Variants in KIAA0232 observed in about 807,000 individuals in gnomAD.
KIAA0232 encodes KIAA0232.
KIAA0232 carries 27 observed loss-of-function variants against 122.0 expected under a neutral mutation model. The ratio of observed to expected loss-of-function variants is 0.22; its 90% CI spans 0.16 to 0.31. KIAA0232 has a LOEUF of 0.31. Among genes scored for constraint, KIAA0232 ranks in the 10% least tolerant of loss-of-function variants. KIAA0232 has a pLI of 1.00. For synonymous variants in KIAA0232, 613 were observed against 587.6 expected, an observed-to-expected ratio of 1.04 and a Z score of -0.63; for missense variants, 1,551 against 1,634.2, an observed-to-expected ratio of 0.95 and a Z score of 0.88.
At chr4:6,837,528 C>T in intron 3 of KIAA0232, among the ~76,000 whole-genome samples, 1 of 152,210 alleles carries the variant, frequency 6.6e-6, no homozygotes, top group East Asian at 1.9e-4. Context: ...CAGGCAGAGG[C>T]TGCAGTCTCG....
chr4:6,796,751 A>G (rs1038837276), intron 1 of KIAA0232, among the ~76,000 whole-genome samples: 6 of 152,232 alleles, frequency 3.9e-5, no homozygotes, highest in African/African-American at 7.2e-5. Flanking sequence ...TAAAACTACC[A>G]TAAGAATATC....
chr4:6,839,164 A>G (rs1042466286), intron 3 of KIAA0232, among the ~76,000 whole-genome samples: 1 of 152,210 alleles, frequency 6.6e-6, no homozygotes, highest in Non-Finnish European at 1.5e-5. Flanking sequence ...CTTCCTTTCA[A>G]GCTTCTAGGA....
At position 6,883,087 on chromosome 4, in the gene KIAA0232, A is replaced by G. The variant is rs1200249404; in HGVS notation, c.*2121A>G. ...ATTTGTTTTCATAGTTAAGTAGCTG[A>G]AGCTCAGAGGCTTTCAGCAACAGAG... On this transcript the variant is annotated 3_prime_UTR_variant, in exon 10 of 10. Coordinates refer to ENST00000307659, the MANE Select transcript of KIAA0232 (RefSeq NM_014743.3). 1 of 152,668 alleles carries G rather than the reference A, an allele frequency of 6.6e-6. No individual in the cohort carries two copies. The highest frequency in any genetic ancestry group is 2.4e-5 in the African/African-American group (1 of 41,478). The allele number at this position is 152,668 out of a possible 1,614,324, so 9.5% of individuals were successfully genotyped here.
chr4:6,814,379 GT>G (rs894516711), intron 2 of KIAA0232, among the ~76,000 whole-genome samples: 57 of 139,882 alleles, frequency 4.1e-4, no homozygotes, highest in Non-Finnish European at 3.9e-4. Flanking sequence ...ATAGTTGGTT[GT>G]TTTTTTTTTT....
chr4:6,785,509 G>T (rs960636983), intron 1 of KIAA0232, among the ~76,000 whole-genome samples: 4 of 152,168 alleles, frequency 2.6e-5, no homozygotes, highest in African/African-American at 9.7e-5. Context: ...ATCACTTGAG[G>T]GAAGACGTGA....
intron 2 of KIAA0232, among the ~76,000 whole-genome samples, chr4:6,811,157 C>G (rs537996951): frequency 6.6e-6 from 1 of 152,034 alleles, no homozygotes; most frequent in Admixed American, 6.5e-5. Flanking sequence ...TACCTGTGCT[C>G]GTATGTTTAT....
chr4:6,829,256 A>G (rs983447377), intron 3 of KIAA0232, among the ~76,000 whole-genome samples: 3 of 152,134 alleles, frequency 2.0e-5, no homozygotes, highest in African/African-American at 7.2e-5. Flanking sequence ...GCCAGTGACG[A>G]CAGTCTTTAT....
At position 6,870,567 on chromosome 4, in the gene KIAA0232, C is replaced by T. The variant is rs191812966; in HGVS notation, c.3802-1007C>T. Among the ~76,000 whole-genome samples the T allele has an allele frequency of 2.4e-3, 359 of 152,304 alleles. 1 individual carries two copies. Among genetic ancestry groups the T allele is most frequent in the African/African-American group, 8.5e-3 (354 of 41,558 alleles). ...CCTGTAATCCCAGCACTTTGGGAGG[C>T]CAAGGCGGGCAGATCACCTGAGGTC... On this transcript the variant is annotated intron_variant, in intron 7 of 9. Coordinates refer to ENST00000307659, the MANE Select transcript of KIAA0232 (RefSeq NM_014743.3).
At chr4:6,849,555 C>A (rs1419622289) in intron 4 of KIAA0232, among the ~76,000 whole-genome samples, 1 of 152,112 alleles carries the variant, frequency 6.6e-6, no homozygotes, top group African/African-American at 2.4e-5. Flanking sequence ...GGCAGAGGTT[C>A]CCGTGAGCTG....
chr4:6,880,483 C>T (rs954658980), intron 9 of KIAA0232, among the ~76,000 whole-genome samples: 1 of 152,012 alleles, frequency 6.6e-6, no homozygotes, highest in African/African-American at 2.4e-5. Flanking sequence ...GTCCCTGTGC[C>T]CAGTAAAGTT....
In KIAA0232 at chr4:6,881,104, C is replaced by G; in HGVS notation, c.*138C>G. 1.6e-6 allele frequency: 1 copy of G among 630,384 alleles called. No individual in the cohort carries two copies. 39.0% of individuals were successfully genotyped at this position (630,384 alleles called of 1,614,324 possible). A position where few individuals can be genotyped will look rare whatever the true frequency, so the allele number is the denominator to read the frequency against. On this transcript the variant is annotated 3_prime_UTR_variant, in exon 10 of 10. Coordinates refer to ENST00000307659, the MANE Select transcript of KIAA0232 (RefSeq NM_014743.3). ...ATTCAGATTGGTAATAATTATCTTTCTCTTCTTGCTTATTTTAGAGTTGAG... is the reference window on the plus strand; with the variant it reads ...ATTCAGATTGGTAATAATTATCTTTGTCTTCTTGCTTATTTTAGAGTTGAG...
intron 3 of KIAA0232, among the ~76,000 whole-genome samples, chr4:6,836,715 C>T (rs1003012872): frequency 4.6e-5 from 7 of 151,806 alleles, no homozygotes; most frequent in Non-Finnish European, 8.8e-5. Flanking sequence ...GTGTTTGTGT[C>T]CCTGAGTACG....
At chr4:6,879,728 G>A (rs540243804) in intron 9 of KIAA0232, among the ~76,000 whole-genome samples, 111 of 152,130 alleles carry the variant, frequency 7.3e-4, no homozygotes, top group African/African-American at 2.6e-3. Context: ...GAGACAGTCC[G>A]ACACCACAGA....
intron 7 of KIAA0232, among the ~76,000 whole-genome samples, chr4:6,868,523 C>G (rs1236829660): frequency 1.3e-5 from 2 of 152,170 alleles, no homozygotes; most frequent in African/African-American, 4.8e-5. Context: ...AGCAGGCTTC[C>G]TCGCCAAGGT....
rs1560200485 is a variant in KIAA0232, at chr4:6,861,605, C to G, written c.1223C>G (p.Ala408Gly). The G allele has an allele frequency of 1.2e-6, 2 of 1,613,906 alleles. No individual in the cohort carries two copies. The highest frequency in any genetic ancestry group is 1.7e-6 in the Non-Finnish European group (2 of 1,180,028). Residue 408 changes from alanine to glycine, a missense_variant, in exon 7 of 10, where the codon GCT (alanine) becomes GGT (glycine). Physicochemically the swap from Ala to Gly is moderately conservative, Grantham distance 60 (BLOSUM62 0). Around this residue, in one of 5 missense-constraint regions of KIAA0232, gnomAD observed 3 missense variants for 17.0 expected, o/e 0.18. Transcript: ENST00000307659. ...EEPLWYTEPI[A>G]EYFVPLSRKS... ...CCCTTGTGGTACACCGAGCCAATTG[C>G]TGAATATTTTGTTCCTCTGAGCAGA...
chr4:6,860,257 T>C lies in KIAA0232; in HGVS notation c.519-644T>C, dbSNP rs150819828. ...CCTCACAACCCTGAGAGGTAAATAT[T>C]ACTAGCTCTATTTTGTAGGTGAGGA... On this transcript the variant is annotated intron_variant, in intron 6 of 9. Coordinates refer to ENST00000307659, the MANE Select transcript of KIAA0232 (RefSeq NM_014743.3). Among the ~76,000 whole-genome samples, 1,224 of 152,334 alleles carry C rather than the reference T, an allele frequency of 8.0e-3. 9 individuals carry two copies. The highest frequency in any genetic ancestry group is 0.013 in the Non-Finnish European group (909 of 68,028).
intron 8 of KIAA0232, among the ~76,000 whole-genome samples, chr4:6,876,054 A>T (rs778813626): frequency 1.2e-4 from 18 of 152,194 alleles, no homozygotes; most frequent in African/African-American, 3.1e-4. Flanking sequence ...TTTGTTTGAT[A>T]TCTTCTCATC....
chr4:6,799,343 A>G (rs1717274899), intron 1 of KIAA0232, among the ~76,000 whole-genome samples: 1 of 150,520 alleles, frequency 6.6e-6, no homozygotes, highest in African/African-American at 2.5e-5. Context: ...CCTGTTTTCA[A>G]ATAAGGTAAT....
intron 4 of KIAA0232, among the ~76,000 whole-genome samples, chr4:6,854,646 C>T (rs114579812): frequency 3.9e-5 from 6 of 152,200 alleles, no homozygotes; most frequent in South Asian, 2.1e-4. Context: ...GTGCTCTTAA[C>T]GGTTTGCAGA....
Sources: gnomAD v4.1 joint callset for allele counts (sites outside exome capture counted in the v4.1 genomes callset) on GRCh38, gnomAD v4.1.1 for gene constraint, gnomAD v4.1.1 regional missense constraint, MANE v1.5 for transcripts, NCBI Gene and HGNC (gene_info 2026-07-23, HGNC 2026-07-21) for gene names.